Variants in CSMD3 observed in about 807,000 individuals in gnomAD.
CSMD3 encodes CUB and sushi domain-containing protein 3.
CSMD3 carries 177 observed loss-of-function variants against 435.2 expected under a neutral mutation model. The observed-to-expected ratio is 0.41, with a 90% CI of 0.36 to 0.46. The LOEUF (loss-of-function observed/expected upper bound fraction) is 0.46. Ranked by LOEUF, CSMD3 falls within the 20% of genes least tolerant of loss-of-function variation. The pLI, the probability that CSMD3 is intolerant of heterozygous loss-of-function variation, is 0.34. For synonymous variants in CSMD3, 1,656 were observed against 1,520.5 expected (o/e 1.09, Z -2.07); for missense variants, 4,265 against 4,504.6 (o/e 0.95, Z 1.52).
chr8:113,311,127 G>T (rs781720342), intron 2 of CSMD3: 2 of 151,682 alleles, frequency 1.3e-5, no homozygotes, highest in East Asian at 3.9e-4. Flanking sequence ...TTTATTATTC[G>T]GAAAATATAA....
At chr8:112,388,805 A>G (rs1329623705) in intron 36 of CSMD3, among the ~76,000 whole-genome samples, 2 of 152,184 alleles carry the variant, frequency 1.3e-5, no homozygotes, top group African/African-American at 2.4e-5. Flanking sequence ...CTAACACATA[A>G]AAGTAGCTGA....
In CSMD3 at chr8:112,380,317, T is replaced by G. The variant is rs199663843; in HGVS notation, c.6136+35A>C. 30 of 1,135,488 alleles carry G rather than the reference T, an allele frequency of 2.6e-5. No individual in the cohort carries two copies. The East Asian group carries it at 6.6e-4, about 25-fold the overall frequency. The allele number at this position is 1,135,488 out of a possible 1,614,324, so 70.3% of individuals were successfully genotyped here. On this transcript the variant is annotated intron_variant, in intron 38 of 70. Coordinates refer to ENST00000297405, the MANE Select transcript of CSMD3 (RefSeq NM_198123.2). ...TTTTTAATTAATATAAACTTGTTCT[T>G]AACCTTTTTGAATGGCACATGATAT... is the stretch of plus-strand genomic sequence containing the variant.
chr8:112,410,622 A>ATC (rs1832281283), intron 32 of CSMD3, among the ~76,000 whole-genome samples: 1 of 58,246 alleles, frequency 1.7e-5, no homozygotes. Context: ...ATATGTATAT[A>ATC]TATGTGTATA....
At chr8:112,822,212 T>C (rs2079549064) in intron 12 of CSMD3, among the ~76,000 whole-genome samples, 1 of 152,210 alleles carries the variant, frequency 6.6e-6, no homozygotes, top group Non-Finnish European at 1.5e-5. Context: ...TTGATGGAGA[T>C]AGCATTGAAT....
chr8:112,682,382 T>C, intron 16 of CSMD3, 60 bp downstream of exon 16: 2 of 1,206,480 alleles, frequency 1.7e-6, no homozygotes, highest in Non-Finnish European at 2.5e-6. Flanking sequence ...GTGTTTCTTG[T>C]TGTGGTTTCT....
chr8:112,223,500 T>A lies in CSMD3; in HGVS notation c.*1271A>T, dbSNP rs1895013. The stretch of plus-strand genomic sequence containing the variant: ...AAATAAAAATGCTGGCATTACTGTA[T>A]GATACAGTTTAAATGAGCCACCAAT... On this transcript the variant is annotated 3_prime_UTR_variant, in exon 71 of 71. Transcript: ENST00000297405. 37,218 of 157,694 alleles carry A rather than the reference T, an allele frequency of 0.24. 8,246 individuals carry two copies. Among genetic ancestry groups the A allele is most frequent in the African/African-American group, 0.59 (24,596 of 41,736 alleles). The allele number at this position is 157,694 out of a possible 1,614,324, so 9.8% of individuals were successfully genotyped here. A position where few individuals can be genotyped will look rare whatever the true frequency, so the allele number is the denominator to read the frequency against.
intron 1 of CSMD3, among the ~76,000 whole-genome samples, chr8:113,392,700 G>A (rs569209973): frequency 3.3e-4 from 50 of 152,034 alleles, no homozygotes; most frequent in Admixed American, 7.2e-4. Flanking sequence ...TCTTATCACT[G>A]TAATGATTTA....
At chr8:112,237,870 C>T (rs1387582771) in intron 66 of CSMD3, among the ~76,000 whole-genome samples, 1 of 151,942 alleles carries the variant, frequency 6.6e-6, no homozygotes, top group Non-Finnish European at 1.5e-5. Context: ...ACAGGTGCTC[C>T]TGAAGAAGAA....
chr8:112,273,571 A>C lies in CSMD3; in HGVS notation c.9508+7603T>G, dbSNP rs547456069. Among the ~76,000 whole-genome samples, 270 of 151,714 alleles carry C rather than the reference A, an allele frequency of 1.8e-3. 1 individual carries two copies. The highest frequency in any genetic ancestry group is 6.1e-3 in the African/African-American group (253 of 41,384). On this transcript the variant is annotated intron_variant, in intron 59 of 70. Coordinates refer to ENST00000297405, the MANE Select transcript of CSMD3 (RefSeq NM_198123.2). ...AAACCCCGTCTCTACTAAAAATACA[A>C]AAAAAATAGCCAGGCTTGGTGGCAG...
chr8:112,601,765 T>A, intron 22 of CSMD3, among the ~76,000 whole-genome samples: 1 of 152,140 alleles, frequency 6.6e-6, no homozygotes, highest in East Asian at 1.9e-4. Flanking sequence ...AGGAGTAACT[T>A]TTAGTTTTAC....
chr8:112,312,075 A>T (rs79174916), intron 49 of CSMD3, among the ~76,000 whole-genome samples: 1 of 152,170 alleles, frequency 6.6e-6, no homozygotes, highest in Admixed American at 6.6e-5. Flanking sequence ...AATACTTACA[A>T]TTGTTTAATT....
chr8:113,397,351 G>T (rs1363321345), intron 1 of CSMD3, among the ~76,000 whole-genome samples: 2 of 151,888 alleles, frequency 1.3e-5, no homozygotes, highest in African/African-American at 4.8e-5. Context: ...TTCCTATTGA[G>T]CTGTTGGTAT....
At chr8:112,850,770 C>A (rs956752498) in intron 11 of CSMD3, among the ~76,000 whole-genome samples, 17 of 152,092 alleles carry the variant, frequency 1.1e-4, no homozygotes, top group Non-Finnish European at 2.9e-5. Flanking sequence ...GTTCTGATTT[C>A]TTGAGTTTGC....
intron 5 of CSMD3, among the ~76,000 whole-genome samples, chr8:113,024,536 T>C (rs923042663): frequency 4.6e-5 from 7 of 152,190 alleles, no homozygotes; most frequent in Non-Finnish European, 8.8e-5. Context: ...ATACATACTA[T>C]TTTTAATAAT....
intron 5 of CSMD3, among the ~76,000 whole-genome samples, chr8:113,048,419 C>A (rs6982602): frequency 6.6e-6 from 1 of 151,980 alleles, no homozygotes; most frequent in Admixed American, 6.6e-5. Context: ...TCGGAAAAAT[C>A]AGTGGCAATA....
chr8:112,362,520 G>A (rs1343438536), intron 38 of CSMD3, among the ~76,000 whole-genome samples: 1 of 151,998 alleles, frequency 6.6e-6, no homozygotes, highest in Non-Finnish European at 1.5e-5. Context: ...AAGTTAAATA[G>A]AATCACGACG....
At chr8:112,891,182 G>A (rs924406642) in intron 10 of CSMD3, among the ~76,000 whole-genome samples, 1 of 151,510 alleles carries the variant, frequency 6.6e-6, no homozygotes, top group Non-Finnish European at 1.5e-5. Context: ...CTCGATGTGT[G>A]ATCTGCAGCA....
rs73702266 is a variant in CSMD3, at chr8:112,950,986, C to G, written c.1421-3109G>C. 7.7e-3 allele frequency among the ~76,000 whole-genome samples: 1,176 copies of G among 151,900 alleles called. 18 individuals are homozygous for G. The highest frequency in any genetic ancestry group is 0.027 in the African/African-American group (1,126 of 41,494). On this transcript the variant is annotated intron_variant, in intron 8 of 70. Coordinates refer to ENST00000297405, the MANE Select transcript of CSMD3 (RefSeq NM_198123.2). The stretch of plus-strand genomic sequence containing the variant: ...TGCTTGAAAGTGTCATTTAAACCAC[C>G]ATTTCTGGACATCTGCAAGAGGAAA...
intron 13 of CSMD3, among the ~76,000 whole-genome samples, chr8:112,751,087 T>A (rs186607134): frequency 0.022 from 3,217 of 147,332 alleles, 54 homozygotes; most frequent in Middle Eastern, 0.049. Context: ...AAAAAAAAAA[T>A]AGAATTATTT....
Sources: gnomAD v4.1 joint callset for allele counts (sites outside exome capture counted in the v4.1 genomes callset) on GRCh38, gnomAD v4.1.1 for gene constraint, MANE v1.5 for transcripts, NCBI Gene and HGNC (gene_info 2026-07-23, HGNC 2026-07-21) for gene names.